Variants in NCMAP observed in about 807,000 individuals in gnomAD.
NCMAP encodes noncompact myelin-associated protein.
Under a neutral mutation model 7.8 loss-of-function variants are expected in NCMAP, and 8 were observed. The ratio of observed to expected loss-of-function variants is 1.02; its 90% CI spans 0.60 to 1.84. NCMAP has a LOEUF of 1.84. Among genes scored for constraint, NCMAP ranks in the 40% most tolerant of loss-of-function variants. The pLI is 0.00. For missense variants in NCMAP, 112 were observed against 131.4 expected (o/e 0.85, Z 0.72); for synonymous variants, 41 against 52.9 (o/e 0.78, Z 0.98).
At chr1:24,556,666 C>T (rs565564996) in intron 1 of NCMAP, among the ~76,000 whole-genome samples, 51 of 152,292 alleles carry the variant, frequency 3.3e-4, no homozygotes, top group Middle Eastern at 3.4e-3. Context: ...TAGTTTCCAT[C>T]CACAGCACGT....
chr1:24,577,401 GTTTT>G (rs71577720), intron 1 of NCMAP, among the ~76,000 whole-genome samples: 1,691 of 39,926 alleles, frequency 0.042, 47 homozygotes, highest in African/African-American at 0.17. Context: ...CACTGGCCTT[GTTTT>G]TTTTTTTTTT....
At chr1:24,601,060 G>T (rs1362850145) in intron 3 of NCMAP, 36 bp downstream of exon 3, 2 of 1,561,192 alleles carry the variant, frequency 1.3e-6, no homozygotes, top group Non-Finnish European at 8.8e-7. Context: ...TGCCTGGACG[G>T]TCCCTTCAGT....
chr1:24,560,021 C>T (rs1004837164), intron 1 of NCMAP, among the ~76,000 whole-genome samples: 6 of 151,924 alleles, frequency 3.9e-5, no homozygotes, highest in Non-Finnish European at 8.8e-5. Context: ...ATTAGCCGGG[C>T]GTGGTGGCGG....
chr1:24,587,405 T>A (rs998292565), intron 1 of NCMAP, among the ~76,000 whole-genome samples: 1 of 152,230 alleles, frequency 6.6e-6, no homozygotes, highest in Non-Finnish European at 1.5e-5. Context: ...CGCCACCTAT[T>A]GGTGGGAGGT....
At chr1:24,556,379 G>A (rs1191580895) in intron 1 of NCMAP, among the ~76,000 whole-genome samples, 1 of 151,924 alleles carries the variant, frequency 6.6e-6, no homozygotes, top group Admixed American at 6.5e-5. Context: ...GGGGTGGTGG[G>A]AGGGAGGCTG....
At chr1:24,571,990 C>T (rs1453432006) in intron 1 of NCMAP, among the ~76,000 whole-genome samples, 1 of 150,886 alleles carries the variant, frequency 6.6e-6, no homozygotes, top group Non-Finnish European at 1.5e-5. Flanking sequence ...TCACAGCAGC[C>T]ACATTTCCGA....
intron 2 of NCMAP, among the ~76,000 whole-genome samples, chr1:24,597,683 AAAGAAAG>A (rs1206373758): frequency 7.4e-6 from 1 of 135,896 alleles, no homozygotes; most frequent in Non-Finnish European, 1.6e-5. Context: ...AAAGAAAAAG[AAAGAAAG>A]AAAGAGAAAG....
At chr1:24,605,178 A>C (rs1234368328) in intron 3 of NCMAP, among the ~76,000 whole-genome samples, 1 of 152,180 alleles carries the variant, frequency 6.6e-6, no homozygotes, top group Non-Finnish European at 1.5e-5. Flanking sequence ...CGGCATATTA[A>C]ATGAAGCCAA....
chr1:24,603,315 A>G (rs994083639), intron 3 of NCMAP, among the ~76,000 whole-genome samples: 5 of 152,088 alleles, frequency 3.3e-5, no homozygotes, highest in African/African-American at 9.7e-5. Context: ...TCTGGTTTCA[A>G]AGAAAATACT....
At chr1:24,591,849 T>C (rs371327727) in intron 1 of NCMAP, among the ~76,000 whole-genome samples, 3 of 152,094 alleles carry the variant, frequency 2.0e-5, no homozygotes, top group East Asian at 3.9e-4. Context: ...GCCCACCTTA[T>C]AGATTAACAG....
In NCMAP at chr1:24,578,534, G is replaced by A. The variant is rs191620121; in HGVS notation, c.-7-16890G>A. Among the ~76,000 whole-genome samples the A allele has an allele frequency of 2.1e-3, 313 of 150,058 alleles. 1 individual carries two copies. Among genetic ancestry groups the A allele is most frequent in the African/African-American group, 7.4e-3 (296 of 40,186 alleles). On this transcript the variant is annotated intron_variant, in intron 1 of 3. Coordinates refer to ENST00000374392, the MANE Select transcript of NCMAP (RefSeq NM_001010980.5). ...TAATCCCTAAGCCTGTTGGGGGAGG[G>A]AGCTTAGTTTTCTTTTTCTTTCTTT...
At position 24,595,505 on chromosome 1, in the gene NCMAP, G is replaced by C. The variant is rs144963167; in HGVS notation, c.75G>C (p.Leu25=). Residue 25 remains leucine (L), a synonymous_variant, in exon 2 of 4, where the codon CTG becomes CTC. Coordinates refer to ENST00000374392, the MANE Select transcript of NCMAP (RefSeq NM_001010980.5). ...LNMTTRGEDF[L]YKSSGAIVAA... ...TGACCACCAGGGGAGAAGACTTCCTGTATAAGAGTAAGGTCAAATTCGCTT... is the reference window on the plus strand; with the variant it reads ...TGACCACCAGGGGAGAAGACTTCCTCTATAAGAGTAAGGTCAAATTCGCTT... The C allele has an allele frequency of 1.2e-4, 190 of 1,612,622 alleles. No individual in the cohort carries two copies. In the African/African-American group the frequency reaches 2.0e-3, roughly 17 times the overall value.
At chr1:24,584,181 G>A (rs960375449) in intron 1 of NCMAP, among the ~76,000 whole-genome samples, 1 of 152,184 alleles carries the variant, frequency 6.6e-6, no homozygotes, top group African/African-American at 2.4e-5. Flanking sequence ...TTACATGGGA[G>A]CTCCTATGGA....
chr1:24,593,602 A>T (rs1424056939), intron 1 of NCMAP, among the ~76,000 whole-genome samples: 2 of 152,234 alleles, frequency 1.3e-5, no homozygotes, highest in Non-Finnish European at 2.9e-5. Flanking sequence ...AATTTAAAAA[A>T]CATTTCTTAC....
intron 1 of NCMAP, among the ~76,000 whole-genome samples, chr1:24,593,175 C>A (rs1395078078): frequency 7.1e-6 from 1 of 141,694 alleles, no homozygotes; most frequent in Non-Finnish European, 1.6e-5. Context: ...AAGACTCTAC[C>A]TCAAAAGAAA....
chr1:24,582,153 G>A (rs1291680834), intron 1 of NCMAP, among the ~76,000 whole-genome samples: 4 of 151,974 alleles, frequency 2.6e-5, no homozygotes, highest in East Asian at 1.9e-4. Flanking sequence ...TTCGTTGCTC[G>A]TGCCGACCAC....
intron 1 of NCMAP, among the ~76,000 whole-genome samples, chr1:24,570,516 C>A (rs550209605): frequency 6.6e-6 from 1 of 150,896 alleles, no homozygotes; most frequent in South Asian, 2.1e-4. Context: ...CATAAACAAA[C>A]AAAGTACTTA....
Position 24,609,207 on chromosome 1 carries a change from A to G in NCMAP, c.*3460A>G, listed in dbSNP as rs945082454. On this transcript the variant is annotated 3_prime_UTR_variant, in exon 4 of 4. Coordinates refer to ENST00000374392, the MANE Select transcript of NCMAP (RefSeq NM_001010980.5). ...CATGCAGGGATCTCACCACGTGGTT[A>G]TGTATTTTGTTTCTGATGAGGTGCC... is the stretch of plus-strand genomic sequence containing the variant. The G allele has an allele frequency of 1.3e-5, 2 of 152,160 alleles. No individual in the cohort carries two copies. Among genetic ancestry groups the G allele is most frequent in the Non-Finnish European group, 2.9e-5 (2 of 68,028 alleles). 9.4% of individuals were successfully genotyped at this position (152,160 alleles called of 1,614,324 possible). A position where few individuals can be genotyped will look rare whatever the true frequency, so the allele number is the denominator to read the frequency against.
At chr1:24,595,660 C>A in intron 2 of NCMAP, 148 bp downstream of exon 2, 1 of 605,848 alleles carries the variant, frequency 1.7e-6, no homozygotes, top group Non-Finnish European at 2.9e-6. Context: ...GCATTAATGA[C>A]AGACAAAGCA....
Sources: gnomAD v4.1 joint callset for allele counts (sites outside exome capture counted in the v4.1 genomes callset) on GRCh38, gnomAD v4.1.1 for gene constraint, MANE v1.5 for transcripts, NCBI Gene and HGNC (gene_info 2026-07-23, HGNC 2026-07-21) for gene names.